The following PCDH9 variants were observed in gnomAD, a reference collection of about 807,000 sequenced individuals.
PCDH9 encodes the protein protocadherin 9, also known as protocadherin-9.
A neutral mutation model predicts 70.6 loss-of-function variants in PCDH9; 24 were observed. The ratio of observed to expected loss-of-function variants is 0.34; its 90% CI spans 0.25 to 0.48. The LOEUF is 0.48. Ranked by LOEUF, PCDH9 falls within the 20% of genes least tolerant of loss-of-function variation. The probability of loss-of-function intolerance (pLI) is 0.99; values close to 1 mark genes in which losing one functional copy is unlikely to be tolerated. For synonymous variants in PCDH9, 562 were observed against 558.5 expected (o/e 1.01, Z -0.09); for missense variants, 1,281 against 1,503.6 (o/e 0.85, Z 2.45).
At chr13:66,539,870 CTTTT>C (rs57344938) in intron 4 of PCDH9, among the ~76,000 whole-genome samples, 10 of 83,616 alleles carry the variant, frequency 1.2e-4, no homozygotes, top group South Asian at 4.4e-4. Flanking sequence ...TCTTTTTTTC[CTTTT>C]TTTTTTTTTT....
chr13:66,991,836 G>A (rs1227457939), intron 2 of PCDH9, among the ~76,000 whole-genome samples: 1 of 151,914 alleles, frequency 6.6e-6, no homozygotes, highest in Non-Finnish European at 1.5e-5. Flanking sequence ...TAGCATAAAT[G>A]GAAACAAGAA....
intron 2 of PCDH9, among the ~76,000 whole-genome samples, chr13:67,033,346 C>T (rs754451409): frequency 1.3e-5 from 2 of 152,180 alleles, no homozygotes; most frequent in Admixed American, 6.5e-5. Flanking sequence ...AGAAAATTTA[C>T]CTATTGGTCA....
rs1175590793 is a variant in PCDH9, at chr13:67,130,454, AG to A, written c.3036+94950del. 5.3e-5 allele frequency among the ~76,000 whole-genome samples: 8 copies of A among 152,282 alleles called. No homozygotes were observed. In the South Asian group the frequency reaches 1.7e-3, roughly 32 times the overall value. On this transcript the variant is annotated intron_variant, in intron 2 of 4. Coordinates refer to ENST00000377865, the MANE Select transcript of PCDH9 (RefSeq NM_203487.3). ...TCTAAAATCTAAAAAAGGTATTGTTAGTACAAACTGCACCATTTTGTAAGCT... is the reference window on the plus strand; with the variant it reads ...TCTAAAATCTAAAAAAGGTATTGTTATACAAACTGCACCATTTTGTAAGCT...
At chr13:67,110,889 T>C (rs1339052589) in intron 2 of PCDH9, among the ~76,000 whole-genome samples, 1 of 152,230 alleles carries the variant, frequency 6.6e-6, no homozygotes, top group Admixed American at 6.5e-5. Context: ...CGTGTTACAA[T>C]GGTCACTATC....
At chr13:67,022,217 G>A (rs1177685472) in intron 2 of PCDH9, among the ~76,000 whole-genome samples, 3 of 135,056 alleles carry the variant, frequency 2.2e-5, no homozygotes, top group Admixed American at 1.7e-4. Context: ...TGCAACCTCC[G>A]CCTCAAGTGG....
At chr13:66,746,214 T>G (rs1260066354) in intron 3 of PCDH9, among the ~76,000 whole-genome samples, 1 of 152,190 alleles carries the variant, frequency 6.6e-6, no homozygotes, top group East Asian at 1.9e-4. Context: ...TTACACCATC[T>G]AAAAACAATG....
At chr13:66,816,338 T>C (rs1338567223) in intron 3 of PCDH9, among the ~76,000 whole-genome samples, 5 of 152,158 alleles carry the variant, frequency 3.3e-5, no homozygotes, top group African/African-American at 1.2e-4. Flanking sequence ...ACACTAAAGC[T>C]AAACCTGTCC....
intron 4 of PCDH9, among the ~76,000 whole-genome samples, chr13:66,439,014 T>A (rs1957927676): frequency 6.6e-6 from 1 of 152,140 alleles, no homozygotes; most frequent in South Asian, 2.1e-4. Context: ...TTTAAGTAGG[T>A]CTGATGGAAT....
intron 4 of PCDH9, among the ~76,000 whole-genome samples, chr13:66,580,929 T>C (rs943336178): frequency 2.6e-5 from 4 of 152,136 alleles, no homozygotes; most frequent in African/African-American, 9.6e-5. Flanking sequence ...GGTGTCTTCT[T>C]AATGCTGAAC....
intron 3 of PCDH9, among the ~76,000 whole-genome samples, chr13:66,820,528 C>T (rs1357947409): frequency 6.6e-6 from 1 of 152,106 alleles, no homozygotes; most frequent in Non-Finnish European, 1.5e-5. Flanking sequence ...AAATCATTCT[C>T]TTATAAAGAC....
At chr13:67,156,249 A>C (rs533273654) in intron 2 of PCDH9, among the ~76,000 whole-genome samples, 1 of 152,304 alleles carries the variant, frequency 6.6e-6, no homozygotes, top group East Asian at 1.9e-4. Flanking sequence ...TAGCAAGGCA[A>C]AGACCGAAAC....
chr13:66,434,829 A>G (rs964876824), intron 4 of PCDH9, among the ~76,000 whole-genome samples: 1 of 152,096 alleles, frequency 6.6e-6, no homozygotes, highest in Admixed American at 6.5e-5. Flanking sequence ...CTAAGGGTCT[A>G]TAAGTCAAAC....
At chr13:67,116,608 A>G (rs1233698455) in intron 2 of PCDH9, among the ~76,000 whole-genome samples, 1 of 152,218 alleles carries the variant, frequency 6.6e-6, no homozygotes, top group Non-Finnish European at 1.5e-5. Context: ...TACAAAACAC[A>G]TGGGTGAGTA....
chr13:66,515,653 A>AT (rs1236083863), intron 4 of PCDH9, among the ~76,000 whole-genome samples: 1 of 151,944 alleles, frequency 6.6e-6, no homozygotes, highest in Non-Finnish European at 1.5e-5. Context: ...TAGATATTTC[A>AT]TTTTTCTCCA....
At chr13:66,926,227 G>A (rs2082715778) in intron 2 of PCDH9, among the ~76,000 whole-genome samples, 1 of 151,974 alleles carries the variant, frequency 6.6e-6, no homozygotes. Flanking sequence ...TGGAAATACT[G>A]TAAAAATAAC....
intron 2 of PCDH9, among the ~76,000 whole-genome samples, chr13:66,933,872 T>G (rs1305035193): frequency 6.8e-6 from 1 of 146,168 alleles, no homozygotes; most frequent in African/African-American, 2.6e-5. Context: ...TCCAAAAATT[T>G]TATAAAAACA....
In PCDH9 at chr13:66,363,498, A is replaced by G. The variant is rs184255413; in HGVS notation, c.3341-58470T>C. Reference sequence around the variant, plus strand: ...TTTGTAATAAGAAAATTTATAAAATAGAAGTTCAATATTTAAATAACACTG... The same window carrying G: ...TTTGTAATAAGAAAATTTATAAAATGGAAGTTCAATATTTAAATAACACTG... On this transcript the variant is annotated intron_variant, in intron 4 of 4. Coordinates refer to ENST00000377865, the MANE Select transcript of PCDH9 (RefSeq NM_203487.3). 1.6e-3 allele frequency among the ~76,000 whole-genome samples: 245 copies of G among 152,328 alleles called. 1 individual carries two copies. The highest frequency in any genetic ancestry group is 3.0e-3 in the Non-Finnish European group (201 of 68,022).
chr13:67,040,649 T>G (rs554232205), intron 2 of PCDH9, among the ~76,000 whole-genome samples: 2 of 152,256 alleles, frequency 1.3e-5, no homozygotes, highest in East Asian at 1.9e-4. Context: ...TATAGTACTT[T>G]GTTACAGTAG....
chr13:66,510,485 T>C (rs1384571063), intron 4 of PCDH9, among the ~76,000 whole-genome samples: 1 of 152,128 alleles, frequency 6.6e-6, no homozygotes, highest in Non-Finnish European at 1.5e-5. Context: ...ACATTAGGTA[T>C]ATCTCCTAAT....
Sources: gnomAD v4.1 joint callset for allele counts (sites outside exome capture counted in the v4.1 genomes callset) on GRCh38, gnomAD v4.1.1 for gene constraint, MANE v1.5 for transcripts, NCBI Gene and HGNC (gene_info 2026-07-23, HGNC 2026-07-21) for gene names.